The following GPM6A variants were observed in gnomAD, a reference collection of about 807,000 sequenced individuals.
GPM6A encodes the protein neuronal membrane glycoprotein M6-a.
GPM6A carries 7 observed loss-of-function variants against 32.1 expected under a neutral mutation model. That is an observed-to-expected ratio of 0.22 (90% CI 0.12 to 0.41). The LOEUF is 0.41. GPM6A is among the 10% of genes least tolerant of loss of function. The pLI is 1.00. For synonymous variants in GPM6A, 130 were observed against 123.4 expected, an observed-to-expected ratio of 1.05 and a Z score of -0.35; for missense variants, 235 against 347.2, an observed-to-expected ratio of 0.68 and a Z score of 2.57.
rs1353627628 is a variant in GPM6A at position 175,774,885 on chromosome 4, TA to T, written c.37+37305del. On this transcript the variant is annotated intron_variant, in intron 1 of 6. Transcript: ENST00000393658. ...TACTGATGCTATATAAAAAAATTCT[TA>T]AACATTTTGTGTGTCCATTCATTGT... 2.0e-5 allele frequency among the ~76,000 whole-genome samples: 3 copies of T among 152,164 alleles called. No homozygotes were observed. The East Asian group carries it at 5.8e-4, about 29-fold the overall frequency.
At chr4:175,972,103 A>C (rs570465735) in intron 1 of GPM6A, 54 of 152,238 alleles carry the variant, frequency 3.5e-4, no homozygotes, top group Middle Eastern at 6.8e-3. Context: ...TCACATTATG[A>C]TTCTTTGCAT....
upstream of GPM6A, among the ~76,000 whole-genome samples, chr4:175,815,720 T>TTTC (rs1553992014): frequency 6.8e-6 from 1 of 146,516 alleles, no homozygotes; most frequent in African/African-American, 2.5e-5. Context: ...TTTCTTTTCT[T>TTTC]TTTTTTTTTT....
At chr4:175,711,457 TACAC>T (rs763949633) in intron 1 of GPM6A, among the ~76,000 whole-genome samples, 7 of 28,016 alleles carry the variant, frequency 2.5e-4, no homozygotes, top group East Asian at 2.1e-3. Context: ...TATATATATA[TACAC>T]ACACATACAT....
intron 1 of GPM6A, chr4:175,795,730 C>T (rs986460645): frequency 1.3e-5 from 2 of 151,972 alleles, no homozygotes; most frequent in African/African-American, 4.8e-5. Flanking sequence ...GCTTGAGTGA[C>T]AGAGCAAGAC....
At chr4:175,913,155 G>C (rs555645562) in intron 1 of GPM6A, among the ~76,000 whole-genome samples, 14 of 152,180 alleles carry the variant, frequency 9.2e-5, no homozygotes, top group Non-Finnish European at 2.1e-4. Flanking sequence ...GCATTGTTCT[G>C]GTGTCATTTC....
chr4:175,925,835 TTTTTC>T (rs1306503346), intron 1 of GPM6A, among the ~76,000 whole-genome samples: 9 of 150,062 alleles, frequency 6.0e-5, no homozygotes, highest in East Asian at 1.9e-4. Context: ...GATTCTCTTT[TTTTTC>T]TTTTCTTTTC....
chr4:175,680,707 C>A (rs1192182533), intron 2 of GPM6A, among the ~76,000 whole-genome samples: 1 of 152,166 alleles, frequency 6.6e-6, no homozygotes, highest in East Asian at 1.9e-4. Flanking sequence ...TCCTGTCCGT[C>A]CTGTTCCTTG....
At chr4:175,927,485 G>T (rs1000859925) in intron 1 of GPM6A, among the ~76,000 whole-genome samples, 6 of 152,246 alleles carry the variant, frequency 3.9e-5, no homozygotes, top group Non-Finnish European at 5.9e-5. Flanking sequence ...TGCAGTGGCC[G>T]AGCTAGACCT....
chr4:175,968,912 TC>T (rs1454759143), intron 1 of GPM6A, among the ~76,000 whole-genome samples: 2 of 152,236 alleles, frequency 1.3e-5, no homozygotes, highest in African/African-American at 4.8e-5. Flanking sequence ...GGCATATGAT[TC>T]TAGGTATTTA....
intron 1 of GPM6A, among the ~76,000 whole-genome samples, chr4:175,750,508 G>A (rs1732290489): frequency 6.6e-6 from 1 of 152,128 alleles, no homozygotes; most frequent in Non-Finnish European, 1.5e-5. Flanking sequence ...AGTTAACATG[G>A]TAACATGGAG....
chr4:175,709,499 G>A (rs773588127), intron 1 of GPM6A, among the ~76,000 whole-genome samples: 4 of 152,016 alleles, frequency 2.6e-5, no homozygotes, highest in African/African-American at 9.7e-5. Flanking sequence ...GGAGGCCGAC[G>A]TGAGTGGATC....
At chr4:175,897,762 G>A (rs115251173) in intron 1 of GPM6A, among the ~76,000 whole-genome samples, 111 of 152,222 alleles carry the variant, frequency 7.3e-4, no homozygotes, top group African/African-American at 2.5e-3. Context: ...TTTAAAATGT[G>A]TCTAGAAATG....
At chr4:175,675,486 G>A (rs1388523399) in intron 2 of GPM6A, among the ~76,000 whole-genome samples, 2 of 152,010 alleles carry the variant, frequency 1.3e-5, no homozygotes, top group African/African-American at 2.4e-5. Flanking sequence ...CAATATATAA[G>A]TACTTGTTGA....
chr4:175,858,340 T>C (rs184136499), intron 1 of GPM6A, among the ~76,000 whole-genome samples: 1 of 152,178 alleles, frequency 6.6e-6, no homozygotes, highest in Non-Finnish European at 1.5e-5. Flanking sequence ...GACACCAGCT[T>C]GGCCAACACA....
At chr4:175,914,172 G>C (rs1312545592) in intron 1 of GPM6A, among the ~76,000 whole-genome samples, 1 of 151,702 alleles carries the variant, frequency 6.6e-6, no homozygotes, top group Non-Finnish European at 1.5e-5. Flanking sequence ...GGGGGGGGTA[G>C]GGATATGTAG....
rs1741825703 is a variant in GPM6A at position 175,651,852 on chromosome 4, A to G, written c.523T>C (p.Leu175=). The G allele has an allele frequency of 1.2e-6, 2 of 1,613,158 alleles. No individual in the cohort carries two copies. The highest frequency in any genetic ancestry group is 1.7e-6 in the Non-Finnish European group (2 of 1,179,510). The change falls in exon 4 of 7, where the codon TTG becomes CTG. Residue 175 remains leucine (L), a synonymous_variant. Transcript: ENST00000393658. The stretch of plus-strand genomic sequence containing the variant: ...CACTTACCAAACTGACGAAGGTCCA[A>G]GCAGAGATTTGCTCCCTCCACTAAT... ...TTLVEGANLC[L]DLRQFGIVTI...
At position 175,651,995 on chromosome 4, in the gene GPM6A, A is replaced by G. The variant is rs1741837010; in HGVS notation, c.388-8T>C. Reference sequence around the variant, plus strand: ...ATATGTCAGCATAATGAACTGCAAAAGAGAAAGAAATGGAGAGAGAAAATG... The same window carrying G: ...ATATGTCAGCATAATGAACTGCAAAGGAGAAAGAAATGGAGAGAGAAAATG... On this transcript the variant is annotated splice_region_variant and splice_polypyrimidine_tract_variant and intron_variant, in intron 3 of 6. Transcript: ENST00000393658. The G allele has an allele frequency of 6.3e-7, 1 of 1,599,232 alleles. No homozygotes were observed. The highest frequency in any genetic ancestry group is 1.3e-5 in the African/African-American group (1 of 74,224).
chr4:175,843,151 A>C (rs1735990310), intron 1 of GPM6A, among the ~76,000 whole-genome samples: 1 of 152,276 alleles, frequency 6.6e-6, no homozygotes, highest in African/African-American at 2.4e-5. Context: ...ATCTATACCC[A>C]TGAGCACAAG....
At chr4:175,663,620 G>A (rs1348833161) in intron 3 of GPM6A, among the ~76,000 whole-genome samples, 2 of 152,010 alleles carry the variant, frequency 1.3e-5, no homozygotes, top group African/African-American at 4.8e-5. Flanking sequence ...AAACCAATAT[G>A]TGGTACAAAA....
Sources: gnomAD v4.1 joint callset for allele counts (sites outside exome capture counted in the v4.1 genomes callset) on GRCh38, gnomAD v4.1.1 for gene constraint, MANE v1.5 for transcripts, NCBI Gene and HGNC (gene_info 2026-07-23, HGNC 2026-07-21) for gene names.